The following SMAD1 variants were observed in gnomAD, a reference collection of about 807,000 sequenced individuals.
The protein encoded by SMAD1 is SMAD family member 1.
A neutral mutation model predicts 41.6 loss-of-function variants in SMAD1; 6 were observed. The observed-to-expected ratio is 0.14, with a 90% CI of 0.08 to 0.28. The LOEUF is 0.28. Among genes scored for constraint, SMAD1 ranks in the 10% least tolerant of loss-of-function variants. The pLI is 1.00. For synonymous variants in SMAD1, 206 were observed against 203.2 expected (o/e 1.01, Z -0.12); for missense variants, 379 against 582.6 (o/e 0.65, Z 3.60).
At chr4:145,529,427 C>T (rs1731208463) in intron 2 of SMAD1, among the ~76,000 whole-genome samples, 1 of 152,160 alleles carries the variant, frequency 6.6e-6, no homozygotes, top group South Asian at 2.1e-4. Flanking sequence ...CTGTGTGCCA[C>T]CATTCTTGAT....
upstream of SMAD1, chr4:145,481,659 C>G (rs1193316310): frequency 6.5e-6 from 1 of 154,190 alleles, no homozygotes; most frequent in Non-Finnish European, 1.4e-5. Flanking sequence ...CGCCGTCCTC[C>G]GGCCCCGGCC....
rs1305010878 is a variant in SMAD1, at chr4:145,558,007, G to A, written c.*73G>A. The A allele has an allele frequency of 8.0e-6, 9 of 1,125,362 alleles. No homozygotes were observed. Among genetic ancestry groups the A allele is most frequent in the Non-Finnish European group, 1.1e-5 (9 of 825,090 alleles). 69.7% of individuals were successfully genotyped at this position (1,125,362 alleles called of 1,614,324 possible). On this transcript the variant is annotated 3_prime_UTR_variant, in exon 7 of 7. Coordinates refer to ENST00000302085, the MANE Select transcript of SMAD1 (RefSeq NM_005900.3). ...CTTGAAGGATGGATGAGTCAGACAC[G>A]ATTGAGAACTGACAAAGGAGCCTTG...
chr4:145,525,223 A>G (rs1730964667), intron 2 of SMAD1, among the ~76,000 whole-genome samples: 1 of 152,232 alleles, frequency 6.6e-6, no homozygotes, highest in Admixed American at 6.5e-5. Context: ...GCTTTCTCTC[A>G]AATATATGTT....
chr4:145,540,166 T>C, intron 3 of SMAD1, 105 bp downstream of exon 3: 3 of 1,326,584 alleles, frequency 2.3e-6, no homozygotes, highest in Non-Finnish European at 3.2e-6. Flanking sequence ...TTTTCAGCCC[T>C]GGTATATGAC....
chr4:145,481,752 GGTGAGCGTGTGA>G (rs1728180187), upstream of SMAD1: 1 of 189,392 alleles, frequency 5.3e-6, no homozygotes, highest in South Asian at 9.1e-5. Flanking sequence ...CGGGTGAGCG[GGTGAGCGTGTGA>G]GCGGGCGGGC....
chr4:145,521,563 C>G (rs778295082), intron 2 of SMAD1, among the ~76,000 whole-genome samples: 10 of 152,052 alleles, frequency 6.6e-5, no homozygotes, highest in Non-Finnish European at 1.2e-4. Flanking sequence ...CTTTGGCTGC[C>G]TCAGTCACTG....
chr4:145,505,675 T>G (rs577002796), intron 1 of SMAD1, among the ~76,000 whole-genome samples: 1 of 152,122 alleles, frequency 6.6e-6, no homozygotes, highest in East Asian at 1.9e-4. Context: ...ATAATCACTC[T>G]GAAGCCCACC....
intron 1 of SMAD1, among the ~76,000 whole-genome samples, chr4:145,495,166 G>A (rs1027295667): frequency 6.6e-6 from 1 of 152,138 alleles, no homozygotes; most frequent in African/African-American, 2.4e-5. Context: ...GTGGGTAGAG[G>A]CCAGGGATGC....
At chr4:145,527,671 C>T (rs115019000) in intron 2 of SMAD1, among the ~76,000 whole-genome samples, 1,548 of 152,108 alleles carry the variant, frequency 0.01, 33 homozygotes, top group African/African-American at 0.035. Flanking sequence ...ATGCTGCTAA[C>T]CACTGTGCTA....
chr4:145,542,212 G>A (rs1731985816), intron 3 of SMAD1, among the ~76,000 whole-genome samples: 1 of 152,228 alleles, frequency 6.6e-6, no homozygotes, highest in African/African-American at 2.4e-5. Context: ...GCTTTCAGAG[G>A]TTTTCCATCT....
At chr4:145,511,557 A>T (rs527496840) in intron 1 of SMAD1, among the ~76,000 whole-genome samples, 1 of 152,280 alleles carries the variant, frequency 6.6e-6, no homozygotes, top group South Asian at 2.1e-4. Context: ...CTAATCATAT[A>T]TATTTTTTTA....
chr4:145,549,053 T>C (rs1732410327), intron 5 of SMAD1, among the ~76,000 whole-genome samples: 2 of 152,130 alleles, frequency 1.3e-5, no homozygotes, highest in African/African-American at 4.8e-5. Context: ...AGAAACATTC[T>C]ATTAAAAAGG....
chr4:145,540,104 A>G (rs770662266), intron 3 of SMAD1, 43 bp downstream of exon 3: 5 of 1,610,442 alleles, frequency 3.1e-6, no homozygotes, highest in East Asian at 2.2e-5. Context: ...CATATCAGAC[A>G]GTGTTATCAC....
rs373778654 is a variant in SMAD1 at position 145,542,669 on chromosome 4, C to G, written c.746C>G (p.Pro249Arg). The change falls in exon 4 of 7, where the codon CCT (proline) becomes CGT (arginine). Residue 249 changes from proline to arginine, a missense_variant. This residue lies in a region of SMAD1 where 208 missense variants were observed against 210.5 expected (regional missense o/e 0.99). Coordinates refer to ENST00000302085, the MANE Select transcript of SMAD1 (RefSeq NM_005900.3). ...SQPMDTNMMAPPLPSEINRGD... is the reference protein window; with the variant it reads ...SQPMDTNMMARPLPSEINRGD... ...CCGATGGACACAAACATGATGGCGC[C>G]TCCCCTGCCCTCAGAAATCAACAGA... 6.2e-7 allele frequency: 1 copy of G among 1,612,220 alleles called. No homozygotes were observed. The highest frequency in any genetic ancestry group is 8.5e-7 in the Non-Finnish European group (1 of 1,179,096).
At chr4:145,485,777 A>G (rs1175263193) in intron 1 of SMAD1, among the ~76,000 whole-genome samples, 1 of 152,136 alleles carries the variant, frequency 6.6e-6, no homozygotes, top group Non-Finnish European at 1.5e-5. Context: ...GAGAGAAGAA[A>G]TAATTGTAGC....
rs1212941073 is a variant in SMAD1, at chr4:145,559,142, A to G, written c.*1208A>G. Among the ~76,000 whole-genome samples, 1 of 152,170 alleles carries G rather than the reference A, an allele frequency of 6.6e-6. No individual in the cohort carries two copies. The highest frequency in any genetic ancestry group is 2.4e-5 in the African/African-American group (1 of 41,442). On this transcript the variant is annotated 3_prime_UTR_variant, in exon 7 of 7. Coordinates refer to ENST00000302085, the MANE Select transcript of SMAD1 (RefSeq NM_005900.3). The stretch of plus-strand genomic sequence containing the variant: ...GGGTTTTCTCTACTGGAAATTTTCA[A>G]TAAACCTGTCATTATTGCTTACTTT...
chr4:145,531,622 G>A (rs916924256), intron 2 of SMAD1, among the ~76,000 whole-genome samples: 1 of 152,146 alleles, frequency 6.6e-6, no homozygotes. Context: ...AAGACCCTGT[G>A]GAGAGCAAGT....
At chr4:145,492,169 G>T (rs996278293) in intron 1 of SMAD1, among the ~76,000 whole-genome samples, 11 of 152,120 alleles carry the variant, frequency 7.2e-5, no homozygotes, top group African/African-American at 2.7e-4. Flanking sequence ...GTGACTAAAT[G>T]TGTGTGGGTT....
At chr4:145,537,687 C>A (rs1731693221) in intron 2 of SMAD1, among the ~76,000 whole-genome samples, 1 of 152,098 alleles carries the variant, frequency 6.6e-6, no homozygotes, top group Admixed American at 6.6e-5. Context: ...ATGAGTCTCA[C>A]ATTTTGAGGA....
Sources: allele counts gnomAD v4.1 joint callset (sites outside exome capture counted in the v4.1 genomes callset), GRCh38; gene constraint gnomAD v4.1.1; regional missense constraint gnomAD v4.1.1; transcripts MANE v1.5; gene names NCBI Gene and HGNC (gene_info 2026-07-23, HGNC 2026-07-21).